MAGI2: variants seen among roughly 807,000 people sequenced by gnomAD.
MAGI2 encodes the protein membrane associated guanylate kinase, WW and PDZ domain containing 2, also known as membrane-associated guanylate kinase, WW and PDZ domain-containing protein 2.
Under a neutral mutation model 133.3 loss-of-function variants are expected in MAGI2, and 35 were observed. That is an observed-to-expected ratio of 0.26 (90% CI 0.20 to 0.35). The LOEUF (loss-of-function observed/expected upper bound fraction) is 0.35, where lower values mean the gene tolerates loss of function less well. MAGI2 is among the 10% of genes least tolerant of loss of function. MAGI2 has a pLI of 1.00. For missense variants in MAGI2, 1,636 were observed against 1,863.4 expected (o/e 0.88, Z 2.25); for synonymous variants, 729 against 710.6 (o/e 1.03, Z -0.41).
chr7:78,290,721 A>G (rs975386867), intron 9 of MAGI2, among the ~76,000 whole-genome samples: 16 of 152,380 alleles, frequency 1.1e-4, no homozygotes, highest in African/African-American at 3.4e-4. Flanking sequence ...CAGCAAATGT[A>G]AAATAACAGA....
Position 78,704,362 on chromosome 7 carries a change from A to C in MAGI2, c.419-77123T>G, listed in dbSNP as rs574933815. Among the ~76,000 whole-genome samples the C allele has an allele frequency of 2.0e-5, 3 of 152,272 alleles. No homozygotes were observed. In the East Asian group the frequency reaches 5.8e-4, roughly 29 times the overall value. On this transcript the variant is annotated intron_variant, in intron 2 of 21. Coordinates refer to ENST00000354212, the MANE Select transcript of MAGI2 (RefSeq NM_012301.4). The stretch of plus-strand genomic sequence containing the variant: ...TTAGAGAAATGCAGATCAAAATCAC[A>C]GTATGATACCATCTCACACCAGTCA...
At chr7:79,420,202 T>C (rs1846848674) in intron 1 of MAGI2, among the ~76,000 whole-genome samples, 1 of 152,030 alleles carries the variant, frequency 6.6e-6, no homozygotes, top group African/African-American at 2.4e-5. Flanking sequence ...CATTATGAAA[T>C]AATACAAAGG....
intron 6 of MAGI2, among the ~76,000 whole-genome samples, chr7:78,377,458 G>A (rs1794544282): frequency 6.6e-6 from 1 of 151,972 alleles, no homozygotes. Context: ...AGAATTGAAA[G>A]AAAGGGGGTT....
intron 2 of MAGI2, among the ~76,000 whole-genome samples, chr7:78,971,378 C>T (rs1432955977): frequency 7.2e-5 from 11 of 151,824 alleles, no homozygotes; most frequent in Non-Finnish European, 1.5e-5. Flanking sequence ...AAATGTCATG[C>T]AAATAAAGGA....
intron 2 of MAGI2, among the ~76,000 whole-genome samples, chr7:78,897,835 G>T (rs1375882290): frequency 6.6e-6 from 1 of 152,032 alleles, no homozygotes; most frequent in Non-Finnish European, 1.5e-5. Flanking sequence ...CAATCACAAT[G>T]AAAACAAAAA....
chr7:78,592,340 A>AT (rs200747288), intron 3 of MAGI2, among the ~76,000 whole-genome samples: 28,276 of 147,224 alleles, frequency 0.19, 3,021 homozygotes, highest in Non-Finnish European at 0.25. Context: ...ATAGTAGACT[A>AT]TTTTTTTTTT....
chr7:78,569,730 A>G (rs1027180783), intron 3 of MAGI2, among the ~76,000 whole-genome samples: 1 of 152,204 alleles, frequency 6.6e-6, no homozygotes, highest in Non-Finnish European at 1.5e-5. Context: ...CATTTTCACA[A>G]AGGAAACACC....
At position 78,175,937 on chromosome 7, in the gene MAGI2, G is replaced by A. The variant is rs765846375; in HGVS notation, c.2403+2074C>T. 2.4e-4 allele frequency among the ~76,000 whole-genome samples: 37 copies of A among 152,186 alleles called. 1 individual carries two copies. Among genetic ancestry groups the A allele is most frequent in the Non-Finnish European group, 4.1e-4 (28 of 68,030 alleles). On this transcript the variant is annotated intron_variant, in intron 14 of 21. Coordinates refer to ENST00000354212, the MANE Select transcript of MAGI2 (RefSeq NM_012301.4). ...CCAAGCTGTATAAATATCCTGCGGA[G>A]GTCAGGAGGTTCTGTAGCATAAATC...
At chr7:78,070,420 A>G (rs1392357322) in intron 21 of MAGI2, among the ~76,000 whole-genome samples, 1 of 147,492 alleles carries the variant, frequency 6.8e-6, no homozygotes, top group Non-Finnish European at 1.5e-5. Context: ...GTGTGTGTAT[A>G]TATATATGTG....
At chr7:78,500,095 A>G (rs916870302) in intron 5 of MAGI2, among the ~76,000 whole-genome samples, 1 of 152,198 alleles carries the variant, frequency 6.6e-6, no homozygotes, top group Non-Finnish European at 1.5e-5. Flanking sequence ...TCTGCAAAAC[A>G]TTGTGTTTCT....
intron 18 of MAGI2, among the ~76,000 whole-genome samples, chr7:78,129,122 C>T (rs1355366156): frequency 1.3e-5 from 2 of 152,024 alleles, no homozygotes; most frequent in East Asian, 3.9e-4. Flanking sequence ...GCTCAATTTC[C>T]AACCAAATGT....
At chr7:78,387,277 T>G (rs537123689) in intron 6 of MAGI2, among the ~76,000 whole-genome samples, 5 of 152,260 alleles carry the variant, frequency 3.3e-5, no homozygotes, top group Admixed American at 1.3e-4. Flanking sequence ...GTGTGAAGTC[T>G]TTACAACTCT....
intron 3 of MAGI2, among the ~76,000 whole-genome samples, chr7:78,578,819 G>A (rs1000513999): frequency 6.6e-6 from 1 of 152,130 alleles, no homozygotes; most frequent in Non-Finnish European, 1.5e-5. Context: ...ATTATCCCTC[G>A]GGGTTGACCT....
intron 3 of MAGI2, among the ~76,000 whole-genome samples, chr7:78,552,402 T>G (rs896255716): frequency 1.3e-5 from 2 of 151,696 alleles, no homozygotes; most frequent in Non-Finnish European, 2.9e-5. Context: ...AGGCTGGTCT[T>G]GAACTCCTGA....
At chr7:79,448,139 CTA>C (rs961727981) in intron 1 of MAGI2, among the ~76,000 whole-genome samples, 8 of 151,758 alleles carry the variant, frequency 5.3e-5, no homozygotes, top group Non-Finnish European at 1.2e-4. Context: ...TAAAAATAAA[CTA>C]TGTCTAAAGT....
chr7:78,462,571 C>CT (rs1226649159), intron 6 of MAGI2, among the ~76,000 whole-genome samples: 1 of 152,110 alleles, frequency 6.6e-6, no homozygotes, highest in Non-Finnish European at 1.5e-5. Context: ...TCTATTAAAT[C>CT]TAAAGAAGGT....
intron 5 of MAGI2, 93 bp from the exon 6 acceptor site, chr7:78,489,933 A>G: frequency 1.2e-6 from 1 of 864,056 alleles, no homozygotes; most frequent in South Asian, 1.7e-5. Context: ...GTCCAACAAA[A>G]TTGCAATCGA....
intron 10 of MAGI2, among the ~76,000 whole-genome samples, chr7:78,237,445 A>G (rs985101568): frequency 2.3e-4 from 35 of 152,060 alleles, no homozygotes; most frequent in African/African-American, 8.0e-4. Context: ...TTTTATTTTT[A>G]TGGTATTTGA....
intron 1 of MAGI2, among the ~76,000 whole-genome samples, chr7:79,032,123 T>C (rs1295442334): frequency 6.6e-6 from 1 of 152,124 alleles, no homozygotes; most frequent in South Asian, 2.1e-4. Context: ...TGAGGAAAAA[T>C]GGATGGCAAA....
Sources: gnomAD v4.1 joint callset for allele counts (sites outside exome capture counted in the v4.1 genomes callset) on GRCh38, gnomAD v4.1.1 for gene constraint, MANE v1.5 for transcripts, NCBI Gene and HGNC (gene_info 2026-07-23, HGNC 2026-07-21) for gene names.